WWP2: variants seen among roughly 807,000 people sequenced by gnomAD.
WWP2 encodes WW domain containing E3 ubiquitin protein ligase 2, also known as NEDD4-like E3 ubiquitin-protein ligase WWP2.
In WWP2, 57 loss-of-function variants were observed where a neutral mutation model predicts 121.0. The ratio of observed to expected loss-of-function variants is 0.47; its 90% CI spans 0.38 to 0.59. The LOEUF is 0.59. Ranked by LOEUF, WWP2 falls within the 20% of genes least tolerant of loss-of-function variation. WWP2 has a pLI of 0.00. For missense variants in WWP2, 962 were observed against 1,158.9 expected (o/e 0.83, Z 2.47); for synonymous variants, 449 against 441.3 (o/e 1.02, Z -0.22).
At chr16:69,842,860 G>A (rs1034493476) in intron 6 of WWP2, among the ~76,000 whole-genome samples, 1 of 151,922 alleles carries the variant, frequency 6.6e-6, no homozygotes, top group African/African-American at 2.4e-5. Flanking sequence ...GTAGAGATAG[G>A]GTTTTACCAT....
intron 4 of WWP2, among the ~76,000 whole-genome samples, chr16:69,800,747 T>C (rs1438584392): frequency 6.6e-6 from 1 of 151,438 alleles, no homozygotes; most frequent in Non-Finnish European, 1.5e-5. Context: ...GTATTTTTAG[T>C]AGACATGAGG....
chr16:69,811,811 T>TCCC (rs1455684826), intron 4 of WWP2, among the ~76,000 whole-genome samples: 1 of 152,138 alleles, frequency 6.6e-6, no homozygotes, highest in African/African-American at 2.4e-5. Context: ...AAAGAACTCC[T>TCCC]CAATGTCGTC....
At chr16:69,808,410 AT>A (rs917543504) in intron 4 of WWP2, among the ~76,000 whole-genome samples, 86 of 149,148 alleles carry the variant, frequency 5.8e-4, no homozygotes, top group African/African-American at 2.0e-3. Flanking sequence ...TTTTATTTTT[AT>A]TTTTTTTGAG....
At chr16:69,802,324 C>T (rs772356174) in intron 4 of WWP2, among the ~76,000 whole-genome samples, 3 of 152,118 alleles carry the variant, frequency 2.0e-5, no homozygotes, top group African/African-American at 4.8e-5. Context: ...GTACATTCAC[C>T]TTGTACAACC....
At chr16:69,873,494 G>T (rs571963353) in intron 7 of WWP2, among the ~76,000 whole-genome samples, 1 of 152,348 alleles carries the variant, frequency 6.6e-6, no homozygotes, top group East Asian at 1.9e-4. Context: ...GAGTCCCAGG[G>T]CTGCCGTCTC....
intron 8 of WWP2, among the ~76,000 whole-genome samples, chr16:69,900,521 C>T (rs908896659): frequency 6.7e-6 from 1 of 148,848 alleles, no homozygotes; most frequent in Admixed American, 6.6e-5. Context: ...TTAATGTTGC[C>T]AACTTTTTTT....
chr16:69,857,045 C>T (rs1382432063), intron 6 of WWP2, among the ~76,000 whole-genome samples: 2 of 151,980 alleles, frequency 1.3e-5, no homozygotes, highest in Non-Finnish European at 2.9e-5. Context: ...TTGTTTTCTT[C>T]CTCTTGTTAA....
intron 8 of WWP2, among the ~76,000 whole-genome samples, chr16:69,897,252 C>T (rs1346918464): frequency 6.6e-6 from 1 of 152,030 alleles, no homozygotes; most frequent in Non-Finnish European, 1.5e-5. Flanking sequence ...ACAGGCACAT[C>T]CTACCATGCC....
At chr16:69,775,092 T>C (rs1485033855) in intron 1 of WWP2, 2 of 151,674 alleles carry the variant, frequency 1.3e-5, no homozygotes, top group South Asian at 2.1e-4. Flanking sequence ...TGATGAAGAG[T>C]GGACAATCGT....
chr16:69,940,978 G>A lies in WWP2; in HGVS notation c.*1038G>A, dbSNP rs2058872848. On this transcript the variant is annotated 3_prime_UTR_variant, in exon 24 of 24. Transcript: ENST00000359154. The stretch of plus-strand genomic sequence containing the variant: ...TGGCGGGACACAGGGGTCCGGCTGT[G>A]GAGCTCCCCTGCCAGCCCCTGGAGC... The A allele has an allele frequency of 6.5e-6, 1 of 152,748 alleles. No homozygotes were observed. The highest frequency in any genetic ancestry group is 2.4e-5 in the African/African-American group (1 of 41,306). 9.5% of individuals were successfully genotyped at this position (152,748 alleles called of 1,614,324 possible).
At chr16:69,844,321 C>T (rs751222503) in intron 6 of WWP2, among the ~76,000 whole-genome samples, 4 of 152,054 alleles carry the variant, frequency 2.6e-5, no homozygotes, top group African/African-American at 4.8e-5. Context: ...CAGCGGTGGG[C>T]GAGGAATACT....
At chr16:69,883,151 T>G (rs959162209) in intron 7 of WWP2, among the ~76,000 whole-genome samples, 1 of 144,324 alleles carries the variant, frequency 6.9e-6, no homozygotes, top group African/African-American at 2.7e-5. Context: ...AGACTCCATC[T>G]CAAAAAAAAA....
At chr16:69,878,005 A>G (rs1167750516) in intron 7 of WWP2, among the ~76,000 whole-genome samples, 2 of 151,466 alleles carry the variant, frequency 1.3e-5, no homozygotes, top group Non-Finnish European at 2.9e-5. Context: ...CTGGGGTTTT[A>G]CCATGTTGGC....
At chr16:69,938,130 T>C (rs1168900093) in intron 21 of WWP2, among the ~76,000 whole-genome samples, 1 of 152,254 alleles carries the variant, frequency 6.6e-6, no homozygotes. Context: ...TATGTACGTA[T>C]ACAAATTTTT....
At chr16:69,818,888 A>G (rs1362354657) in intron 4 of WWP2, among the ~76,000 whole-genome samples, 2 of 152,064 alleles carry the variant, frequency 1.3e-5, no homozygotes, top group Admixed American at 6.5e-5. Flanking sequence ...TTTGGCCTAT[A>G]TGCCCAAAAC....
chr16:69,809,397 C>T (rs1359828799), intron 4 of WWP2, among the ~76,000 whole-genome samples: 1 of 151,944 alleles, frequency 6.6e-6, no homozygotes, highest in African/African-American at 2.4e-5. Flanking sequence ...TTTCCGGATG[C>T]GAGACTGTCT....
At chr16:69,822,317 T>C (rs2056607687) in intron 4 of WWP2, among the ~76,000 whole-genome samples, 1 of 152,248 alleles carries the variant, frequency 6.6e-6, no homozygotes, top group South Asian at 2.1e-4. Context: ...TTATCAGCTT[T>C]CGTGCAGTAA....
chr16:69,900,965 T>TA lies in WWP2; in HGVS notation c.915-7796_915-7795insA, dbSNP rs202227334. Among the ~76,000 whole-genome samples, 1,279 of 152,278 alleles carry TA rather than the reference T, an allele frequency of 8.4e-3. 9 individuals are homozygous for TA. The highest frequency in any genetic ancestry group is 0.014 in the Non-Finnish European group (967 of 68,030). The stretch of plus-strand genomic sequence containing the variant: ...TGCTGGTTGTTGAGTTATTAAAAGG[T>TA]TAGTGTGCTTAGATTTAAAGGCTAG... On this transcript the variant is annotated intron_variant, in intron 8 of 23. Transcript: ENST00000359154.
At chr16:69,905,981 G>A (rs571746735) in intron 8 of WWP2, among the ~76,000 whole-genome samples, 9 of 152,260 alleles carry the variant, frequency 5.9e-5, no homozygotes, top group East Asian at 1.9e-4. Flanking sequence ...CCTGTAGCTC[G>A]TGGTAGATTC....
Sources: allele counts gnomAD v4.1 joint callset (sites outside exome capture counted in the v4.1 genomes callset), GRCh38; gene constraint gnomAD v4.1.1; transcripts MANE v1.5; gene names NCBI Gene and HGNC (gene_info 2026-07-23, HGNC 2026-07-21).